CDH13: variants seen among roughly 807,000 people sequenced by gnomAD.
CDH13 encodes the protein cadherin 13, also known as cadherin-13.
Under a neutral mutation model 63.8 loss-of-function variants are expected in CDH13, and 24 were observed. That is an observed-to-expected ratio of 0.38 (90% CI 0.27 to 0.53). The LOEUF is 0.53. CDH13 is among the 20% of genes least tolerant of loss of function. The pLI, the probability that CDH13 is intolerant of heterozygous loss-of-function variation, is 0.85. For synonymous variants in CDH13, 503 were observed against 355.3 expected (o/e 1.42, Z -4.67); for missense variants, 1,049 against 903.1 (o/e 1.16, Z -2.07).
In CDH13 at chr16:82,695,481, A is replaced by G. The variant is rs561289724; in HGVS notation, c.45+68344A>G. On this transcript the variant is annotated intron_variant, in intron 1 of 13. Coordinates refer to ENST00000567109, the MANE Select transcript of CDH13 (RefSeq NM_001257.5). ...ATGGCAGGGTTAGCACGTGGCTCCAATGGTGAGCAGGAAGGACTTCACCTC... is the reference window on the plus strand; with the variant it reads ...ATGGCAGGGTTAGCACGTGGCTCCAGTGGTGAGCAGGAAGGACTTCACCTC... Among the ~76,000 whole-genome samples the G allele has an allele frequency of 1.9e-3, 296 of 152,198 alleles. 1 individual carries two copies. The highest frequency in any genetic ancestry group is 6.4e-3 in the African/African-American group (267 of 41,520).
chr16:83,433,908 C>A (rs1052985580), intron 6 of CDH13, among the ~76,000 whole-genome samples: 1 of 151,992 alleles, frequency 6.6e-6, no homozygotes, highest in Non-Finnish European at 1.5e-5. Context: ...ATGAATTATG[C>A]TTAGTGGCTC....
intron 1 of CDH13, among the ~76,000 whole-genome samples, chr16:82,846,609 G>C (rs777706706): frequency 6.6e-6 from 1 of 152,138 alleles, no homozygotes; most frequent in African/African-American, 2.4e-5. Context: ...TCTAGCCTGC[G>C]AATCTTTACT....
chr16:83,523,255 T>G (rs765446543), intron 7 of CDH13, among the ~76,000 whole-genome samples: 34 of 152,208 alleles, frequency 2.2e-4, no homozygotes, highest in Admixed American at 5.9e-4. Flanking sequence ...ATTGTGCCTG[T>G]CATGTCCATA....
At chr16:83,529,091 C>CTTTTTTTTTTTTTTTTTTTTTTTTTTTT (rs10562201) in intron 7 of CDH13, among the ~76,000 whole-genome samples, 1 of 140,494 alleles carries the variant, frequency 7.1e-6, no homozygotes. Flanking sequence ...ATACCTCTGT[C>CTTTTTTTTTTTTTTTTTTTTTTTTTTTT]TTTTTTTTTT....
chr16:82,976,132 G>A (rs71402045), intron 2 of CDH13, among the ~76,000 whole-genome samples: 6,316 of 152,292 alleles, frequency 0.041, 140 homozygotes, highest in Admixed American at 0.052. Flanking sequence ...GATAAGATTT[G>A]TGGAGAGTTA....
Position 83,232,227 on chromosome 16 carries a change from T to TTTAAA in CDH13, c.636+14730_636+14731insTTAAA, listed in dbSNP as rs3049884. Among the ~76,000 whole-genome samples the TTTAAA allele has an allele frequency of 3.4e-4, 23 of 67,632 alleles. 1 individual carries two copies. Among genetic ancestry groups the TTTAAA allele is most frequent in the South Asian group, 8.8e-4 (1 of 1,134 alleles). 44.4% of individuals were successfully genotyped at this position (67,632 alleles called of 152,430 possible). On this transcript the variant is annotated intron_variant, in intron 5 of 13. Coordinates refer to ENST00000567109, the MANE Select transcript of CDH13 (RefSeq NM_001257.5). ...GTGTTTTCTTTTTTTTTTTTTTTTTTAAAAAAAAAAAAAAAGGCTGGGCAC... is the reference window on the plus strand; with the variant it reads ...GTGTTTTCTTTTTTTTTTTTTTTTTTTTAAAAAAAAAAAAAAAAAAGGCTGGGCAC...
At chr16:83,323,487 GC>G (rs58828778) in intron 5 of CDH13, among the ~76,000 whole-genome samples, 44,580 of 151,216 alleles carry the variant, frequency 0.29, 6,754 homozygotes, top group East Asian at 0.52. Context: ...CACCATGTTT[GC>G]CAGGCTGCTC....
intron 1 of CDH13, among the ~76,000 whole-genome samples, chr16:82,699,266 G>C (rs1203956426): frequency 6.6e-6 from 1 of 152,140 alleles, no homozygotes; most frequent in African/African-American, 2.4e-5. Flanking sequence ...GATTACCTGA[G>C]GTTGCCCTGC....
At chr16:83,282,980 C>T (rs114232268) in intron 5 of CDH13, among the ~76,000 whole-genome samples, 187 of 152,154 alleles carry the variant, frequency 1.2e-3, no homozygotes, top group African/African-American at 4.3e-3. Flanking sequence ...TGGTAAACTC[C>T]GAATTAATTC....
At chr16:82,938,856 C>T (rs1349769235) in intron 2 of CDH13, among the ~76,000 whole-genome samples, 3 of 151,920 alleles carry the variant, frequency 2.0e-5, no homozygotes, top group African/African-American at 4.8e-5. Context: ...AGGGAGTTCC[C>T]TTCAGCTGGA....
chr16:83,535,586 G>A (rs1320762949), intron 7 of CDH13, among the ~76,000 whole-genome samples: 5 of 152,172 alleles, frequency 3.3e-5, no homozygotes, highest in South Asian at 4.1e-4. Flanking sequence ...CCACAAGTGC[G>A]TATTGAGATC....
intron 6 of CDH13, among the ~76,000 whole-genome samples, chr16:83,441,324 T>G (rs1286563171): frequency 6.6e-6 from 1 of 152,178 alleles, no homozygotes; most frequent in Non-Finnish European, 1.5e-5. Flanking sequence ...ACAATTCAAT[T>G]ACTTGGGAAA....
At chr16:83,335,826 A>T (rs1217131965) in intron 5 of CDH13, among the ~76,000 whole-genome samples, 1 of 151,880 alleles carries the variant, frequency 6.6e-6, no homozygotes, top group African/African-American at 2.4e-5. Context: ...TCTCACGTGC[A>T]CCCCCTTAGA....
intron 1 of CDH13, chr16:82,688,926 C>T (rs997513438): frequency 1.3e-5 from 2 of 152,122 alleles, no homozygotes; most frequent in African/African-American, 4.8e-5. Context: ...CTTGGTCAGG[C>T]TTCCTGGTCA....
At chr16:83,362,658 G>T (rs750969936) in intron 6 of CDH13, among the ~76,000 whole-genome samples, 1 of 152,226 alleles carries the variant, frequency 6.6e-6, no homozygotes, top group Non-Finnish European at 1.5e-5. Flanking sequence ...AACCATGTAA[G>T]TCTGCCTTTG....
intron 1 of CDH13, among the ~76,000 whole-genome samples, chr16:82,767,102 T>C (rs2035085404): frequency 6.6e-6 from 1 of 152,248 alleles, no homozygotes; most frequent in Non-Finnish European, 1.5e-5. Flanking sequence ...TACTTCAGCA[T>C]GCATATTTTT....
intron 1 of CDH13, among the ~76,000 whole-genome samples, chr16:82,713,824 A>C (rs1341491405): frequency 6.6e-6 from 1 of 150,976 alleles, no homozygotes; most frequent in African/African-American, 2.5e-5. Context: ...AAACAAACAA[A>C]AAAAAAGGAA....
chr16:82,748,763 G>T (rs1015067027), intron 1 of CDH13, among the ~76,000 whole-genome samples: 5 of 152,160 alleles, frequency 3.3e-5, no homozygotes, highest in African/African-American at 1.2e-4. Context: ...CCTATAAAGA[G>T]CCAGGATGGT....
chr16:83,512,076 C>T (rs1424636040), intron 7 of CDH13, among the ~76,000 whole-genome samples: 2 of 152,058 alleles, frequency 1.3e-5, no homozygotes, highest in Non-Finnish European at 2.9e-5. Context: ...AATTCCAGCA[C>T]TTTGGGAGGC....
Sources: gnomAD v4.1 joint callset for allele counts (sites outside exome capture counted in the v4.1 genomes callset) on GRCh38, gnomAD v4.1.1 for gene constraint, MANE v1.5 for transcripts, NCBI Gene and HGNC (gene_info 2026-07-23, HGNC 2026-07-21) for gene names.